DUSP14: variants seen among roughly 807,000 people sequenced by gnomAD.
DUSP14 encodes the protein dual specificity protein phosphatase 14.
In DUSP14, 5 loss-of-function variants were observed where a neutral mutation model predicts 13.2. The observed-to-expected ratio is 0.38, with a 90% CI of 0.20 to 0.80. DUSP14 has a LOEUF of 0.80. Ranked by LOEUF, DUSP14 falls within the 30% of genes least tolerant of loss-of-function variation. The probability of loss-of-function intolerance (pLI) is 0.44; values close to 1 mark genes in which losing one functional copy is unlikely to be tolerated. For missense variants in DUSP14, 185 were observed against 264.0 expected (o/e 0.70, Z 2.07); for synonymous variants, 91 against 103.4 (o/e 0.88, Z 0.73).
intron 1 of DUSP14, among the ~76,000 whole-genome samples, chr17:37,509,128 TACACACAC>T (rs869304104): frequency 0.059 from 1,845 of 31,178 alleles, 241 homozygotes; most frequent in Non-Finnish European, 0.068. Context: ...TATATATATA[TACACACAC>T]ACACACACAC....
chr17:37,507,764 A>G (rs897440650), intron 1 of DUSP14, among the ~76,000 whole-genome samples: 1 of 152,130 alleles, frequency 6.6e-6, no homozygotes, highest in African/African-American at 2.4e-5. Context: ...TTAGACAACA[A>G]CTAGATAACC....
At chr17:37,498,020 T>G (rs138165321) in intron 1 of DUSP14, among the ~76,000 whole-genome samples, 1 of 150,358 alleles carries the variant, frequency 6.7e-6, no homozygotes, top group African/African-American at 2.5e-5. Flanking sequence ...CACTCCAGCC[T>G]GGGTGACAGA....
rs375363372 is a variant in DUSP14 at position 37,512,896 on chromosome 17, C to A, written c.*27C>A. 1.3e-6 allele frequency: 2 copies of A among 1,564,714 alleles called. No homozygotes were observed. The highest frequency in any genetic ancestry group is 1.4e-5 in the African/African-American group (1 of 73,870). On this transcript the variant is annotated 3_prime_UTR_variant, in exon 3 of 3. Transcript: ENST00000617516. This position sits in a 1 kb window ranked among gnomAD's most constrained non-coding sequence, Gnocchi z 4.8. ...GCCACTGAAGCCTGCGTCAGCAGCC[C>A]GAGCGGGGCCGGCATCTGCTCCCCG...
In DUSP14 at chr17:37,497,425, GC is replaced by G. The variant is rs900648327; in HGVS notation, c.-181+7468del. On this transcript the variant is annotated intron_variant, in intron 1 of 2. Coordinates refer to ENST00000617516, the MANE Select transcript of DUSP14 (RefSeq NM_007026.4). Reference sequence around the variant, plus strand: ...CAGAGTGCTGGGATTACAGGCATGCGCTACCGCGCCCTGCCTTCAAACTGCT... The same window carrying G: ...CAGAGTGCTGGGATTACAGGCATGCGTACCGCGCCCTGCCTTCAAACTGCT... 5.1e-4 allele frequency among the ~76,000 whole-genome samples: 78 copies of G among 152,220 alleles called. 1 individual carries two copies. Among genetic ancestry groups the G allele is most frequent in the African/African-American group, 1.8e-3 (73 of 41,568 alleles).
At position 37,512,431 on chromosome 17, in the gene DUSP14, C is replaced by A. The variant is rs752031175; in HGVS notation, c.159C>A (p.Ile53=). Reference sequence around the variant, plus strand: ...GGCACCTCCTCCAGGCTCGTGGCATCACCTGCATTGTTAATGCTACCATTG... The same window carrying A: ...GGCACCTCCTCCAGGCTCGTGGCATAACCTGCATTGTTAATGCTACCATTG... ...SNRHLLQARG[I]TCIVNATIEI... Residue 53 remains isoleucine, a synonymous_variant, in exon 3 of 3, where the codon ATC becomes ATA. Coordinates refer to ENST00000617516, the MANE Select transcript of DUSP14 (RefSeq NM_007026.4). The surrounding 1 kb of genome is among the most constrained non-coding windows in gnomAD (Gnocchi z 4.8). 3.7e-6 allele frequency: 6 copies of A among 1,614,184 alleles called. No homozygotes were observed. In the East Asian group the frequency reaches 8.9e-5, roughly 24 times the overall value.
At chr17:37,490,757 AGTGT>A (rs952368130) in intron 1 of DUSP14, among the ~76,000 whole-genome samples, 7 of 151,848 alleles carry the variant, frequency 4.6e-5, no homozygotes, top group African/African-American at 1.7e-4. Flanking sequence ...CCGGACATTT[AGTGT>A]GTGTTAACTC....
chr17:37,504,957 T>C (rs944960388), intron 1 of DUSP14, among the ~76,000 whole-genome samples: 1 of 152,164 alleles, frequency 6.6e-6, no homozygotes, highest in Non-Finnish European at 1.5e-5. Context: ...AATGGCACGA[T>C]CTTGGCTCAC....
intron 1 of DUSP14, among the ~76,000 whole-genome samples, chr17:37,502,445 A>G (rs1451702728): frequency 1.3e-5 from 2 of 151,672 alleles, no homozygotes; most frequent in Non-Finnish European, 2.9e-5. Flanking sequence ...CGGCCTCCTA[A>G]AGTGCTGGAA....
chr17:37,502,276 G>T (rs2054110252), intron 1 of DUSP14, among the ~76,000 whole-genome samples: 1 of 151,784 alleles, frequency 6.6e-6, no homozygotes, highest in Admixed American at 6.6e-5. Flanking sequence ...TGACCTTCTG[G>T]ACTCAAGCAA....
At chr17:37,497,755 A>AAAGAC (rs573038810) in intron 1 of DUSP14, among the ~76,000 whole-genome samples, 1 of 151,720 alleles carries the variant, frequency 6.6e-6, no homozygotes. Context: ...AAAAAAAAAA[A>AAAGAC]AAGACAAGAC....
chr17:37,490,587 G>GT (rs945331392), intron 1 of DUSP14, among the ~76,000 whole-genome samples: 2 of 152,164 alleles, frequency 1.3e-5, no homozygotes, highest in African/African-American at 4.8e-5. Flanking sequence ...TTGTATAACT[G>GT]TATTTTATTT....
At chr17:37,494,505 C>T (rs2054050780) in intron 1 of DUSP14, among the ~76,000 whole-genome samples, 1 of 152,160 alleles carries the variant, frequency 6.6e-6, no homozygotes, top group South Asian at 2.1e-4. Context: ...CCACATCCAG[C>T]TTGAATTCCT....
intron 1 of DUSP14, among the ~76,000 whole-genome samples, chr17:37,509,032 A>G (rs2054156274): frequency 1.4e-5 from 2 of 138,538 alleles, no homozygotes; most frequent in South Asian, 2.3e-4. Context: ...TGAGCTGTTG[A>G]TAACCCAGCG....
intron 1 of DUSP14, among the ~76,000 whole-genome samples, chr17:37,502,435 C>T (rs1302684808): frequency 2.0e-5 from 3 of 150,986 alleles, no homozygotes; most frequent in Non-Finnish European, 4.4e-5. Flanking sequence ...CCTTCCACTT[C>T]GGCCTCCTAA....
At chr17:37,506,363 C>T (rs558805527) in intron 1 of DUSP14, among the ~76,000 whole-genome samples, 15 of 151,512 alleles carry the variant, frequency 9.9e-5, no homozygotes, top group African/African-American at 3.4e-4. Context: ...TTCACTCTAC[C>T]CTACCCCCAT....
At chr17:37,498,987 C>T (rs932439435) in intron 1 of DUSP14, among the ~76,000 whole-genome samples, 1 of 152,162 alleles carries the variant, frequency 6.6e-6, no homozygotes, top group South Asian at 2.1e-4. Flanking sequence ...TTATAACTTA[C>T]TAATTTCAAC....
intron 1 of DUSP14, among the ~76,000 whole-genome samples, chr17:37,503,483 C>T (rs2054118309): frequency 6.6e-6 from 1 of 152,198 alleles, no homozygotes; most frequent in African/African-American, 2.4e-5. Context: ...ATGGGAGATG[C>T]TGTGGCCATC....
At chr17:37,504,546 G>T (rs2054125449) in intron 1 of DUSP14, among the ~76,000 whole-genome samples, 1 of 152,166 alleles carries the variant, frequency 6.6e-6, no homozygotes, top group Admixed American at 6.5e-5. Flanking sequence ...AATTGCTAAA[G>T]CTTTCCAGGT....
chr17:37,511,937 A>AGTTTTTTTTTTTTTTTTTTTTTTTTTT (rs1329764853), intron 2 of DUSP14, among the ~76,000 whole-genome samples: 1 of 16,442 alleles, frequency 6.1e-5, no homozygotes, highest in Admixed American at 8.3e-4. Context: ...CCCCCACCCC[A>AGTTTTTTTTTTTTTTTTTTTTTTTTTT]CTTTTTTTTT....
Sources: allele counts gnomAD v4.1 joint callset (sites outside exome capture counted in the v4.1 genomes callset), GRCh38; gene constraint gnomAD v4.1.1; non-coding constraint Gnocchi (gnomAD v3.1); transcripts MANE v1.5; gene names NCBI Gene and HGNC (gene_info 2026-07-23, HGNC 2026-07-21).